Variants in AGMO observed in about 807,000 individuals in gnomAD.
AGMO encodes the protein alkylglycerol monooxygenase, also known as glyceryl-ether monooxygenase.
A neutral mutation model predicts 60.2 loss-of-function variants in AGMO; 75 were observed. That is an observed-to-expected ratio of 1.25 (90% CI 1.03 to 1.51). The LOEUF (loss-of-function observed/expected upper bound fraction) is 1.51. Among genes scored for constraint, AGMO ranks in the 40% most tolerant of loss-of-function variants. The pLI is 0.00. For synonymous variants in AGMO, 261 were observed against 177.1 expected (o/e 1.47, Z -3.76); for missense variants, 763 against 525.5 (o/e 1.45, Z -4.42).
At chr7:15,240,805 A>C (rs1583319246) in intron 12 of AGMO, among the ~76,000 whole-genome samples, 1 of 152,166 alleles carries the variant, frequency 6.6e-6, no homozygotes, top group African/African-American at 2.4e-5. Context: ...TCCGTATTAG[A>C]AGCTTCAAGA....
intron 10 of AGMO, among the ~76,000 whole-genome samples, chr7:15,368,090 AG>A (rs1485873270): frequency 6.6e-6 from 1 of 152,014 alleles, no homozygotes; most frequent in Admixed American, 6.6e-5. Context: ...TTAGTGGAAG[AG>A]TATTGCTGAG....
downstream of AGMO, among the ~76,000 whole-genome samples, chr7:15,199,129 A>C (rs1781208032): frequency 6.6e-6 from 1 of 152,180 alleles, no homozygotes; most frequent in Non-Finnish European, 1.5e-5. Flanking sequence ...AGCAAGATGG[A>C]GTCTGTTAGG....
At chr7:15,474,706 T>C (rs547513615) in intron 3 of AGMO, among the ~76,000 whole-genome samples, 2 of 152,154 alleles carry the variant, frequency 1.3e-5, no homozygotes, top group South Asian at 4.1e-4. Context: ...TGGGATCTAA[T>C]TAAACTAAAG....
At chr7:15,503,838 T>C (rs1162886550) in intron 3 of AGMO, among the ~76,000 whole-genome samples, 1 of 152,076 alleles carries the variant, frequency 6.6e-6, no homozygotes, top group Non-Finnish European at 1.5e-5. Context: ...AACTTTTTTC[T>C]GAAATCACTG....
intron 3 of AGMO, among the ~76,000 whole-genome samples, chr7:15,524,918 C>T (rs1042133942): frequency 2.7e-5 from 4 of 150,366 alleles, no homozygotes; most frequent in African/African-American, 9.7e-5. Flanking sequence ...ATTTCACACA[C>T]ACAAATAATA....
intron 3 of AGMO, among the ~76,000 whole-genome samples, chr7:15,510,640 C>T (rs1015247899): frequency 2.7e-5 from 4 of 149,690 alleles, no homozygotes; most frequent in East Asian, 2.0e-4. Context: ...TTTACAACAA[C>T]GTAGATGAAC....
At chr7:15,516,600 CA>C (rs2128533133) in intron 3 of AGMO, among the ~76,000 whole-genome samples, 2 of 152,266 alleles carry the variant, frequency 1.3e-5, no homozygotes, top group East Asian at 3.9e-4. Flanking sequence ...TGTAAAGATG[CA>C]GGTATTGCAT....
chr7:15,531,225 T>C (rs191471741), intron 3 of AGMO, among the ~76,000 whole-genome samples: 14 of 89,726 alleles, frequency 1.6e-4, no homozygotes, highest in African/African-American at 6.6e-4. Context: ...TCTATATATA[T>C]TCTATATATA....
At chr7:15,223,844 T>C (rs1049301481) in intron 12 of AGMO, among the ~76,000 whole-genome samples, 2 of 152,052 alleles carry the variant, frequency 1.3e-5, no homozygotes, top group East Asian at 3.8e-4. Flanking sequence ...AATTAATTAA[T>C]CCTTGACAAA....
chr7:15,502,690 C>T (rs1024893738), intron 3 of AGMO, among the ~76,000 whole-genome samples: 2 of 151,996 alleles, frequency 1.3e-5, no homozygotes, highest in African/African-American at 4.8e-5. Flanking sequence ...AAAAGCAATG[C>T]TTTTGGTGGT....
chr7:15,264,336 A>G (rs1783369732), intron 12 of AGMO, among the ~76,000 whole-genome samples: 1 of 151,938 alleles, frequency 6.6e-6, no homozygotes, highest in Non-Finnish European at 1.5e-5. Context: ...CATATATTCT[A>G]TCTTAAATTA....
chr7:15,355,357 G>C (rs759312628), intron 12 of AGMO, among the ~76,000 whole-genome samples: 5 of 151,838 alleles, frequency 3.3e-5, no homozygotes, highest in Non-Finnish European at 7.4e-5. Context: ...AAAAAAATTA[G>C]CCAAGCATGG....
At chr7:15,423,781 G>A (rs575768157) in intron 4 of AGMO, among the ~76,000 whole-genome samples, 11 of 149,636 alleles carry the variant, frequency 7.4e-5, no homozygotes, top group African/African-American at 2.2e-4. Flanking sequence ...CACCAAAGCT[G>A]CAAACCACCA....
chr7:15,241,458 T>TC (rs1782583947), intron 12 of AGMO, among the ~76,000 whole-genome samples: 1 of 11,194 alleles, frequency 8.9e-5, no homozygotes, highest in East Asian at 2.3e-3. Flanking sequence ...AGACTCCGTC[T>TC]CAAAAAAAAA....
intron 12 of AGMO, among the ~76,000 whole-genome samples, chr7:15,215,532 A>G (rs1408888634): frequency 6.6e-6 from 1 of 151,894 alleles, no homozygotes; most frequent in Non-Finnish European, 1.5e-5. Flanking sequence ...AGTGGAACAG[A>G]TGTGTTTTAT....
intron 12 of AGMO, among the ~76,000 whole-genome samples, chr7:15,239,373 G>T (rs1328990908): frequency 5.3e-5 from 8 of 152,114 alleles, no homozygotes; most frequent in Non-Finnish European, 1.5e-5. Flanking sequence ...TGATTGGGAA[G>T]TTCCTGTTAT....
chr7:15,249,166 G>T (rs1295054229), intron 12 of AGMO, among the ~76,000 whole-genome samples: 1 of 151,440 alleles, frequency 6.6e-6, no homozygotes, highest in East Asian at 2.0e-4. Flanking sequence ...GAAATTTTTT[G>T]AAACAATCAT....
At chr7:15,301,638 TCA>T (rs1784562040) in intron 12 of AGMO, among the ~76,000 whole-genome samples, 2 of 152,146 alleles carry the variant, frequency 1.3e-5, no homozygotes, top group Non-Finnish European at 2.9e-5. Context: ...AAGGCTGAAT[TCA>T]CAGTGTTGAA....
chr7:15,472,178 C>G (rs1782465297), intron 3 of AGMO, among the ~76,000 whole-genome samples: 3 of 151,818 alleles, frequency 2.0e-5, no homozygotes, highest in Admixed American at 2.0e-4. Context: ...CTACCTGGTA[C>G]TCAGTGCTGT....
Sources: gnomAD v4.1 joint callset for allele counts (sites outside exome capture counted in the v4.1 genomes callset) on GRCh38, gnomAD v4.1.1 for gene constraint, MANE v1.5 for transcripts, NCBI Gene and HGNC (gene_info 2026-07-23, HGNC 2026-07-21) for gene names.